B3GALNT2: variants seen among roughly 807,000 people sequenced by gnomAD.
B3GALNT2 encodes the protein beta-1,3-N-acetylgalactosaminyltransferase 2, also known as UDP-GalNAc:beta-1,3-N-acetylgalactosaminyltransferase 2.
A neutral mutation model predicts 61.1 loss-of-function variants in B3GALNT2; 53 were observed. The ratio of observed to expected loss-of-function variants is 0.87; its 90% CI spans 0.70 to 1.09. The LOEUF (loss-of-function observed/expected upper bound fraction) is 1.09. B3GALNT2 is among the 50% of genes least tolerant of loss of function. The pLI is 0.00. For synonymous variants in B3GALNT2, 223 were observed against 237.4 expected (o/e 0.94, Z 0.56); for missense variants, 544 against 623.0 (o/e 0.87, Z 1.35).
At position 235,453,079 on chromosome 1, in the gene B3GALNT2, C is replaced by G. The variant is rs1388513966; in HGVS notation, c.1368+11G>C. ...CTCTTAAGAACCCTGAGGCCATCCC[C>G]AAAGACTTACCTGGTATCTTTTAGG... On this transcript the variant is annotated intron_variant, in intron 11 of 11. Transcript: ENST00000366600. 1 of 1,607,014 alleles carries G rather than the reference C, an allele frequency of 6.2e-7. No homozygotes were observed. Among genetic ancestry groups the G allele is most frequent in the South Asian group, 1.1e-5 (1 of 90,914 alleles).
chr1:235,461,998 T>C (rs1171523190), intron 7 of B3GALNT2, among the ~76,000 whole-genome samples: 1 of 152,212 alleles, frequency 6.6e-6, no homozygotes, highest in African/African-American at 2.4e-5. Flanking sequence ...TGCCCAACTG[T>C]GGGCTAATGT....
At chr1:235,495,553 T>A (rs973332893) in intron 1 of B3GALNT2, among the ~76,000 whole-genome samples, 14 of 151,108 alleles carry the variant, frequency 9.3e-5, no homozygotes, top group Admixed American at 4.6e-4. Context: ...AAAAAAAAAA[T>A]AATAATAAAG....
intron 7 of B3GALNT2, among the ~76,000 whole-genome samples, chr1:235,460,119 C>T (rs924449460): frequency 2.1e-5 from 2 of 95,152 alleles, no homozygotes; most frequent in African/African-American, 4.1e-5. Context: ...TTTCCTCTTT[C>T]TTTTTTGTTT....
intron 2 of B3GALNT2, among the ~76,000 whole-genome samples, chr1:235,493,690 A>G (rs1188494876): frequency 6.6e-6 from 1 of 152,118 alleles, no homozygotes; most frequent in Non-Finnish European, 1.5e-5. Flanking sequence ...AGGCAGGAGA[A>G]TCGCTTGAAC....
intron 5 of B3GALNT2, among the ~76,000 whole-genome samples, chr1:235,477,206 C>T (rs2102828725): frequency 6.6e-6 from 1 of 152,222 alleles, no homozygotes; most frequent in South Asian, 2.1e-4. Context: ...TTTTGAAAAG[C>T]TTCAAACCTA....
At chr1:235,450,584 C>T in intron 11 of B3GALNT2, 1 of 459,092 alleles carries the variant, frequency 2.2e-6, no homozygotes, top group Non-Finnish European at 4.0e-6. Flanking sequence ...AAGAGTTAGT[C>T]AACAAATGCC....
chr1:235,450,368 G>A, intron 11 of B3GALNT2, 28 bp from the exon 12 acceptor site: 1 of 1,611,356 alleles, frequency 6.2e-7, no homozygotes. Context: ...AAGCCGATCT[G>A]AGAGTGGTGA....
intron 2 of B3GALNT2, among the ~76,000 whole-genome samples, chr1:235,491,277 T>C (rs1685055247): frequency 6.6e-6 from 1 of 152,160 alleles, no homozygotes; most frequent in African/African-American, 2.4e-5. Context: ...ACTGCAACCA[T>C]AAGTTGGTCA....
At chr1:235,470,003 T>C (rs1468694544) in intron 6 of B3GALNT2, among the ~76,000 whole-genome samples, 1 of 151,902 alleles carries the variant, frequency 6.6e-6, no homozygotes, top group Non-Finnish European at 1.5e-5. Context: ...GTTCAAGCAA[T>C]TCTCATGCCT....
At chr1:235,441,353 C>T in the B3GALNT2 span, 2 of 233,876 alleles carry the variant, frequency 8.6e-6, no homozygotes, top group South Asian at 6.2e-5. Flanking sequence ...CTGGTGGAAA[C>T]GTGAGAAGTG....
chr1:235,504,442 G>T lies in B3GALNT2; in HGVS notation c.-190C>A, dbSNP rs75700660. The stretch of plus-strand genomic sequence containing the variant: ...TCCTCCGGTCCCTCAGACCGCGGGT[G>T]GCCGCGGCTTAGCCGGCCGAAGCCC... On this transcript the variant is annotated 5_prime_UTR_variant, in exon 1 of 12. Coordinates refer to ENST00000366600, the MANE Select transcript of B3GALNT2 (RefSeq NM_152490.5). 0.091 allele frequency: 50,860 copies of T among 559,334 alleles called. 5,522 individuals carry two copies. The highest frequency in any genetic ancestry group is 0.46 in the East Asian group (11,817 of 25,428). The allele number at this position is 559,334 out of a possible 1,614,324, so 34.6% of individuals were successfully genotyped here.
In B3GALNT2 at chr1:235,448,531, T is replaced by A; in HGVS notation, c.*1675A>T. 1 of 1,422,986 alleles carries A rather than the reference T, an allele frequency of 7.0e-7. No individual in the cohort carries two copies. The highest frequency in any genetic ancestry group is 9.9e-7 in the Non-Finnish European group (1 of 1,006,112). The allele number at this position is 1,422,986 out of a possible 1,614,324, so 88.1% of individuals were successfully genotyped here. ...TCTCTAGATAGCAACAGTTTGATTC[T>A]AAATGGAGACCATGGGTCTGTTTGT... On this transcript the variant is annotated 3_prime_UTR_variant, in exon 12 of 12. Coordinates refer to ENST00000366600, the MANE Select transcript of B3GALNT2 (RefSeq NM_152490.5).
intron 4 of B3GALNT2, 125 bp from the exon 5 acceptor site, chr1:235,480,274 C>T: frequency 2.1e-6 from 3 of 1,414,120 alleles, no homozygotes; most frequent in African/African-American, 2.9e-5. Flanking sequence ...CGGTCACTAA[C>T]ATGGTTCTAC....
In B3GALNT2 at chr1:235,448,164, C is replaced by A. The variant is rs1298062406; in HGVS notation, c.*2042G>T. On this transcript the variant is annotated 3_prime_UTR_variant, in exon 12 of 12. Coordinates refer to ENST00000366600, the MANE Select transcript of B3GALNT2 (RefSeq NM_152490.5). ...GCAGTGAGCCGAGATTACACCATTG[C>A]ACTCCAGCCTGGGCGACAGAGCAAG... 6.7e-6 allele frequency among the ~76,000 whole-genome samples: 1 copy of A among 148,816 alleles called. No individual in the cohort carries two copies. The highest frequency in any genetic ancestry group is 1.5e-5 in the Non-Finnish European group (1 of 67,712).
At chr1:235,456,804 G>A (rs1683188943) in intron 8 of B3GALNT2, among the ~76,000 whole-genome samples, 1 of 152,196 alleles carries the variant, frequency 6.6e-6, no homozygotes, top group African/African-American at 2.4e-5. Context: ...CTGACTCTTA[G>A]CCCTGACTTC....
At position 235,447,714 on chromosome 1, in the gene B3GALNT2, C is replaced by T. The variant is rs1047375470; in HGVS notation, c.*2492G>A. Among the ~76,000 whole-genome samples, 1 of 152,140 alleles carries T rather than the reference C, an allele frequency of 6.6e-6. No individual in the cohort carries two copies. Among genetic ancestry groups the T allele is most frequent in the African/African-American group, 2.4e-5 (1 of 41,430 alleles). On this transcript the variant is annotated 3_prime_UTR_variant, in exon 12 of 12. Transcript: ENST00000366600. Reference sequence around the variant, plus strand: ...GTTTAAAAAGAAAACGTTAATGACTCGCTCCCTTTATTCTTCTGTGCTGAG... The same window carrying T: ...GTTTAAAAAGAAAACGTTAATGACTTGCTCCCTTTATTCTTCTGTGCTGAG...
At chr1:235,446,128 A>G (rs376129267), downstream of B3GALNT2, among the ~76,000 whole-genome samples, 161 of 152,342 alleles carry the variant, frequency 1.1e-3, 1 homozygote, top group African/African-American at 3.7e-3. Flanking sequence ...CTATACCATC[A>G]TGTCATAAAG....
intron 2 of B3GALNT2, among the ~76,000 whole-genome samples, chr1:235,492,184 A>G (rs1685100247): frequency 6.6e-6 from 1 of 152,234 alleles, no homozygotes; most frequent in African/African-American, 2.4e-5. Flanking sequence ...AGTTTCTGTT[A>G]CTAATTACCA....
chr1:235,444,612 T>C (rs1212110454), downstream of B3GALNT2, among the ~76,000 whole-genome samples: 3 of 152,112 alleles, frequency 2.0e-5, no homozygotes, highest in Non-Finnish European at 4.4e-5. Flanking sequence ...GCTATGTTGC[T>C]AAGGCTGGCC....
Sources: gnomAD v4.1 joint callset for allele counts (sites outside exome capture counted in the v4.1 genomes callset) on GRCh38, gnomAD v4.1.1 for gene constraint, MANE v1.5 for transcripts, NCBI Gene and HGNC (gene_info 2026-07-23, HGNC 2026-07-21) for gene names.